Variants in MDGA2 observed in about 807,000 individuals in gnomAD.
The protein encoded by MDGA2 is MAM domain containing glycosylphosphatidylinositol anchor 2, also known as MAM domain-containing glycosylphosphatidylinositol anchor protein 2.
MDGA2 carries 40 observed loss-of-function variants against 117.8 expected under a neutral mutation model. The ratio of observed to expected loss-of-function variants is 0.34; its 90% CI spans 0.26 to 0.44. MDGA2 has a LOEUF of 0.44. MDGA2 is among the 20% of genes least tolerant of loss of function. MDGA2 has a pLI of 1.00. For synonymous variants in MDGA2, 452 were observed against 439.0 expected (o/e 1.03, Z -0.37); for missense variants, 1,123 against 1,250.6 (o/e 0.90, Z 1.54).
intron 1 of MDGA2, among the ~76,000 whole-genome samples, chr14:47,660,306 T>C (rs1897821821): frequency 6.6e-6 from 1 of 152,210 alleles, no homozygotes; most frequent in Non-Finnish European, 1.5e-5. Flanking sequence ...TCCTGTTCTC[T>C]CTTGAAATGG....
intron 1 of MDGA2, among the ~76,000 whole-genome samples, chr14:47,407,319 T>C (rs1018388455): frequency 1.2e-4 from 19 of 152,226 alleles, no homozygotes; most frequent in African/African-American, 4.6e-4. Flanking sequence ...TATAATCATT[T>C]ACAAATTATT....
intron 1 of MDGA2, among the ~76,000 whole-genome samples, chr14:47,663,490 T>G (rs1397193196): frequency 6.6e-6 from 1 of 152,242 alleles, no homozygotes; most frequent in Non-Finnish European, 1.5e-5. Context: ...AATATGGAAG[T>G]GGACTACCTT....
intron 5 of MDGA2, among the ~76,000 whole-genome samples, chr14:47,111,667 T>C (rs1255710560): frequency 6.6e-6 from 1 of 152,064 alleles, no homozygotes; most frequent in African/African-American, 2.4e-5. Flanking sequence ...ATTCTCAGAA[T>C]CTAAGAGGTA....
intron 3 of MDGA2, among the ~76,000 whole-genome samples, chr14:47,207,252 G>T (rs1885719511): frequency 6.6e-6 from 1 of 151,896 alleles, no homozygotes; most frequent in Non-Finnish European, 1.5e-5. Context: ...GTCGAAGGAT[G>T]TTGCTTTAGG....
intron 1 of MDGA2, among the ~76,000 whole-genome samples, chr14:47,672,837 G>C (rs1898100022): frequency 6.6e-6 from 1 of 152,056 alleles, no homozygotes; most frequent in African/African-American, 2.4e-5. Flanking sequence ...AGAGGGCACC[G>C]GGGTCCAGGA....
At position 46,855,203 on chromosome 14, in the gene MDGA2, A is replaced by ATTTG. The variant is rs1566492461; in HGVS notation, c.2753-53_2753-50dup. On this transcript the variant is annotated intron_variant, in intron 14 of 16. Coordinates refer to ENST00000399232, the MANE Select transcript of MDGA2 (RefSeq NM_001113498.3). The surrounding 1 kb of genome is among the most constrained non-coding windows in gnomAD (Gnocchi z 4.1). ...TTTTGCATATTCATTTTCACCTCAA[A>ATTTG]TTTGTTTTTCCTTGACCAAACACTT... 6.5e-7 allele frequency: 1 copy of ATTTG among 1,548,532 alleles called. No homozygotes were observed. Among genetic ancestry groups the ATTTG allele is most frequent in the Non-Finnish European group, 8.8e-7 (1 of 1,142,680 alleles).
chr14:47,605,376 C>T (rs1387331524), intron 1 of MDGA2, among the ~76,000 whole-genome samples: 16 of 152,120 alleles, frequency 1.1e-4, no homozygotes, highest in Non-Finnish European at 1.8e-4. Context: ...TTTATTATAG[C>T]TACAAGGACT....
At chr14:47,516,618 A>C (rs1439830370) in intron 1 of MDGA2, among the ~76,000 whole-genome samples, 1 of 152,150 alleles carries the variant, frequency 6.6e-6, no homozygotes, top group Non-Finnish European at 1.5e-5. Flanking sequence ...GAAGTACCAG[A>C]AGAAATGCTA....
At chr14:47,358,378 T>C (rs1387688516) in intron 1 of MDGA2, among the ~76,000 whole-genome samples, 1 of 152,206 alleles carries the variant, frequency 6.6e-6, no homozygotes, top group East Asian at 1.9e-4. Flanking sequence ...TAAACCTTTC[T>C]TGGTTGTGGT....
chr14:47,535,249 G>A (rs563440924), intron 1 of MDGA2, among the ~76,000 whole-genome samples: 149 of 152,276 alleles, frequency 9.8e-4, no homozygotes, highest in South Asian at 2.5e-3. Context: ...GGTTCTAAGA[G>A]CAGAAACACG....
intron 1 of MDGA2, among the ~76,000 whole-genome samples, chr14:47,592,224 G>T (rs1896454836): frequency 6.6e-6 from 1 of 152,086 alleles, no homozygotes; most frequent in African/African-American, 2.4e-5. Context: ...ACAAACCACT[G>T]CTCAAGGAAA....
At chr14:47,256,097 CT>C (rs113355073) in intron 2 of MDGA2, among the ~76,000 whole-genome samples, 5,433 of 136,024 alleles carry the variant, frequency 0.04, 264 homozygotes, top group African/African-American at 0.13. Context: ...AATCAAATTT[CT>C]TTTTTTTTTT....
chr14:46,921,960 G>T (rs1884149395), intron 9 of MDGA2, among the ~76,000 whole-genome samples: 1 of 152,076 alleles, frequency 6.6e-6, no homozygotes, highest in Non-Finnish European at 1.5e-5. Context: ...GGTTGCTTCT[G>T]TTATTTAATC....
chr14:47,601,048 G>C (rs1475101282), intron 1 of MDGA2, among the ~76,000 whole-genome samples: 1 of 152,122 alleles, frequency 6.6e-6, no homozygotes, highest in African/African-American at 2.4e-5. Flanking sequence ...GTTTTTTAGA[G>C]TACAGGCTGA....
chr14:46,891,694 T>C (rs1882890399), intron 10 of MDGA2, among the ~76,000 whole-genome samples: 1 of 151,638 alleles, frequency 6.6e-6, no homozygotes, highest in Non-Finnish European at 1.5e-5. Context: ...AAATAATTTT[T>C]TGTTTTAGTT....
chr14:47,351,193 T>C (rs1188087156), intron 1 of MDGA2, among the ~76,000 whole-genome samples: 1 of 151,822 alleles, frequency 6.6e-6, no homozygotes, highest in African/African-American at 2.4e-5. Context: ...GCGATTTTCC[T>C]GCCTCAGCCT....
Position 47,429,773 on chromosome 14 carries a change from A to G in MDGA2, c.281-128223T>C, listed in dbSNP as rs560922439. 1.4e-4 allele frequency among the ~76,000 whole-genome samples: 22 copies of G among 152,004 alleles called. No homozygotes were observed. The South Asian group carries it at 4.6e-3, about 32-fold the overall frequency. ...GAGGACAAATCGGTGAAAAAGAGAAACAAGATTTGTATTTTAGTGGGAAAG... is the reference window on the plus strand; with the variant it reads ...GAGGACAAATCGGTGAAAAAGAGAAGCAAGATTTGTATTTTAGTGGGAAAG... On this transcript the variant is annotated intron_variant, in intron 1 of 16. Coordinates refer to ENST00000399232, the MANE Select transcript of MDGA2 (RefSeq NM_001113498.3).
chr14:47,209,371 C>T (rs1885801548), intron 3 of MDGA2, among the ~76,000 whole-genome samples: 1 of 152,036 alleles, frequency 6.6e-6, no homozygotes, highest in Non-Finnish European at 1.5e-5. Flanking sequence ...TATAGAATGC[C>T]TGAGATTTTC....
chr14:47,453,482 A>G (rs139662951), intron 1 of MDGA2, among the ~76,000 whole-genome samples: 5 of 152,224 alleles, frequency 3.3e-5, no homozygotes, highest in Non-Finnish European at 7.4e-5. Context: ...CGAAATAAGT[A>G]TCATAATCAT....
Sources: allele counts gnomAD v4.1 joint callset (sites outside exome capture counted in the v4.1 genomes callset), GRCh38; gene constraint gnomAD v4.1.1; non-coding constraint Gnocchi (gnomAD v3.1); transcripts MANE v1.5; gene names NCBI Gene and HGNC (gene_info 2026-07-23, HGNC 2026-07-21).